Variants in CDK18 observed in about 807,000 individuals in gnomAD.
CDK18 encodes cyclin dependent kinase 18.
A neutral mutation model predicts 62.0 loss-of-function variants in CDK18; 52 were observed. The ratio of observed to expected loss-of-function variants is 0.84; its 90% CI spans 0.67 to 1.06. The LOEUF (loss-of-function observed/expected upper bound fraction) is 1.06, where lower values mean the gene tolerates loss of function less well. CDK18 is among the 50% of genes least tolerant of loss of function. CDK18 has a pLI of 0.00. For synonymous variants in CDK18, 237 were observed against 247.0 expected (o/e 0.96, Z 0.38); for missense variants, 604 against 619.9 (o/e 0.97, Z 0.27).
rs776594779 is a variant in CDK18, at chr1:205,527,805, C to T, written c.741C>T (p.Phe247=). 1.9e-6 allele frequency: 3 copies of T among 1,613,906 alleles called. No individual in the cohort carries two copies. Among genetic ancestry groups the T allele is most frequent in the South Asian group, 2.2e-5 (2 of 91,070 alleles). The part of the protein sequence containing the change: ...MSMHNVKIFM[F]QLLRGLAYCH... ...TCCCCCTCCCCCAGATTTTCATGTTCCAGCTGCTCCGGGGCCTCGCCTACT... is the reference window on the plus strand; with the variant it reads ...TCCCCCTCCCCCAGATTTTCATGTTTCAGCTGCTCCGGGGCCTCGCCTACT... The change falls in exon 9 of 16, where the codon TTC becomes TTT. Residue 247 remains phenylalanine, a synonymous_variant. Coordinates refer to ENST00000429964, the MANE Select transcript of CDK18 (RefSeq NM_212502.3). The surrounding 1 kb of genome is among the most constrained non-coding windows in gnomAD (Gnocchi z 4.1).
chr1:205,528,472 C>T lies in CDK18; in HGVS notation c.974+304C>T, dbSNP rs1009442946. Among the ~76,000 whole-genome samples the T allele has an allele frequency of 6.6e-6, 1 of 152,100 alleles. No homozygotes were observed. The stretch of plus-strand genomic sequence containing the variant: ...CTATAGTAAATACGATGAATCTTCC[C>T]CAAGCATCAGTCCCAGTGAAAATTT... On this transcript the variant is annotated intron_variant, in intron 10 of 15. Coordinates refer to ENST00000429964, the MANE Select transcript of CDK18 (RefSeq NM_212502.3). The surrounding 1 kb of genome is among the most constrained non-coding windows in gnomAD (Gnocchi z 4.2).
rs1668302623 is a variant in CDK18 at position 205,524,294 on chromosome 1, GCT to G, written c.337_338del (p.Leu113ThrfsTer94). 2.5e-6 allele frequency: 4 copies of G among 1,614,070 alleles called. No homozygotes were observed. The highest frequency in any genetic ancestry group is 3.4e-6 in the Non-Finnish European group (4 of 1,180,046). ...GCCTGCCCCAGGAATTCCTACAGAA[GCT>G]ACAGATGGAGAGCCCAGATCTGCCC... is the stretch of plus-strand genomic sequence containing the variant. ...IRLPQEFLQK[L>X]QMESPDLPKP... is the part of the protein sequence containing the mutation. On this transcript the variant is annotated frameshift_variant, in exon 4 of 16. Transcript: ENST00000429964. LOFTEE classifies it high-confidence loss of function.
chr1:205,527,557 CTG>C lies in CDK18; in HGVS notation c.730-236_730-235del. ...GGCATCCTGACCCCCGTGCTCCTGACTGAGACTTCGCTGGCCTCCCCCACACT... is the reference window on the plus strand; with the variant it reads ...GGCATCCTGACCCCCGTGCTCCTGACAGACTTCGCTGGCCTCCCCCACACT... On this transcript the variant is annotated intron_variant, in intron 8 of 15. Transcript: ENST00000429964. This position sits in a 1 kb window ranked among gnomAD's most constrained non-coding sequence, Gnocchi z 4.1. The C allele has an allele frequency of 2.0e-6, 1 of 498,372 alleles. No individual in the cohort carries two copies. Among genetic ancestry groups the C allele is most frequent in the Non-Finnish European group, 3.6e-6 (1 of 276,578 alleles). The allele number at this position is 498,372 out of a possible 1,614,324, so 30.9% of individuals were successfully genotyped here. A position where few individuals can be genotyped will look rare whatever the true frequency, so the allele number is the denominator to read the frequency against.
intron 6 of CDK18, 63 bp downstream of exon 6, chr1:205,526,242 C>T (rs1185950978): frequency 1.3e-6 from 2 of 1,519,040 alleles, no homozygotes; most frequent in Admixed American, 1.7e-5. Flanking sequence ...CACCAGCCTG[C>T]ACCCTTGTGG....
Position 205,528,396 on chromosome 1 carries a change from C to T in CDK18, c.974+228C>T, listed in dbSNP as rs1401084548. On this transcript the variant is annotated intron_variant, in intron 10 of 15. Coordinates refer to ENST00000429964, the MANE Select transcript of CDK18 (RefSeq NM_212502.3). This position sits in a 1 kb window ranked among gnomAD's most constrained non-coding sequence, Gnocchi z 4.2. ...CAAGCCTGTGCATTTGAAATCCTCC[C>T]CCAGAGGCCTGTGGGGGGTTACCAG... is the stretch of plus-strand genomic sequence containing the variant. Among the ~76,000 whole-genome samples the T allele has an allele frequency of 5.9e-5, 9 of 152,128 alleles. No individual in the cohort carries two copies. The highest frequency in any genetic ancestry group is 5.9e-4 in the Admixed American group (9 of 15,278).
chr1:205,525,113 C>T (rs374908323), intron 4 of CDK18, 26 bp from the exon 5 acceptor site: 8 of 1,583,138 alleles, frequency 5.1e-6, no homozygotes, highest in East Asian at 4.5e-5. Flanking sequence ...TTCAAGCTCA[C>T]GGCATTCTAT....
At chr1:205,526,996 A>G in intron 8 of CDK18, 159 bp downstream of exon 8, 1 of 640,674 alleles carries the variant, frequency 1.6e-6, no homozygotes, top group Non-Finnish European at 2.8e-6. Flanking sequence ...CGAGTCCAGG[A>G]ACTGGGTTGA....
chr1:205,524,883 G>A (rs893495413), intron 4 of CDK18, among the ~76,000 whole-genome samples: 14 of 152,180 alleles, frequency 9.2e-5, no homozygotes, highest in Admixed American at 1.3e-4. Flanking sequence ...GGTCTCAGTC[G>A]GAGACACAGG....
rs1668572537 is a variant in CDK18 at position 205,528,794 on chromosome 1, G to A, written c.975-205G>A. 2 of 465,028 alleles carry A rather than the reference G, an allele frequency of 4.3e-6. No homozygotes were observed. The highest frequency in any genetic ancestry group is 7.6e-6 in the Non-Finnish European group (2 of 262,374). The allele number at this position is 465,028 out of a possible 1,614,324, so 28.8% of individuals were successfully genotyped here. ...ACAGAGTGAAAGTCGCAGCTTTCCC[G>A]AGCCCAGGGAAGCCCCCCAGAGAGG... On this transcript the variant is annotated intron_variant, in intron 10 of 15. Coordinates refer to ENST00000429964, the MANE Select transcript of CDK18 (RefSeq NM_212502.3). This position sits in a 1 kb window ranked among gnomAD's most constrained non-coding sequence, Gnocchi z 4.2.
rs1470461267 is a variant in CDK18, at chr1:205,529,417, A to G, written c.1166A>G (p.Asn389Ser). The G allele has an allele frequency of 6.2e-7, 1 of 1,613,896 alleles. No individual in the cohort carries two copies. Among genetic ancestry groups the G allele is most frequent in the Non-Finnish European group, 8.5e-7 (1 of 1,179,906 alleles). ...FPCYLPQPLI[N>S]HAPRLDTDGI... Reference sequence around the variant, plus strand: ...TGCTACCTCCCGCAGCCGCTCATCAACCACGCGCCCAGGTAGCCCCTGCGC... The same window carrying G: ...TGCTACCTCCCGCAGCCGCTCATCAGCCACGCGCCCAGGTAGCCCCTGCGC... Residue 389 changes from asparagine (N) to serine (S), a missense_variant, in exon 12 of 16, where the codon AAC becomes AGC. Coordinates refer to ENST00000429964, the MANE Select transcript of CDK18 (RefSeq NM_212502.3).
At chr1:205,522,810 G>C (rs1266998591) in intron 1 of CDK18, 1 of 179,428 alleles carries the variant, frequency 5.6e-6, no homozygotes, top group South Asian at 1.5e-4. Context: ...GGTCTGGGGG[G>C]CCTTCAGGAT....
At chr1:205,510,860 G>A (rs1667535383) in intron 1 of CDK18, among the ~76,000 whole-genome samples, 1 of 152,236 alleles carries the variant, frequency 6.6e-6, no homozygotes, top group Non-Finnish European at 1.5e-5. Context: ...TGCTAACAAG[G>A]TGAGCTGTGT....
intron 1 of CDK18, among the ~76,000 whole-genome samples, chr1:205,511,923 G>A (rs767332249): frequency 2.0e-5 from 3 of 152,074 alleles, no homozygotes; most frequent in African/African-American, 7.2e-5. Flanking sequence ...GTGTGGTGTC[G>A]TGCGCTTGTA....
chr1:205,506,847 G>A (rs1667328261), intron 1 of CDK18, among the ~76,000 whole-genome samples: 1 of 152,214 alleles, frequency 6.6e-6, no homozygotes, highest in Non-Finnish European at 1.5e-5. Flanking sequence ...TGGGGCACAG[G>A]AGAGAGGGCA....
rs555716589 is a variant in CDK18, at chr1:205,531,675, G to A, written c.*297G>A. On this transcript the variant is annotated 3_prime_UTR_variant, in exon 16 of 16. Coordinates refer to ENST00000429964, the MANE Select transcript of CDK18 (RefSeq NM_212502.3). Reference sequence around the variant, plus strand: ...TCCTCGTACCCTCTCCCACCCTGGTGTTTGGGCACCTGCGTGGGATGCACA... The same window carrying A: ...TCCTCGTACCCTCTCCCACCCTGGTATTTGGGCACCTGCGTGGGATGCACA... The A allele has an allele frequency of 2.8e-5, 12 of 421,440 alleles. 1 individual carries two copies. The Admixed American group carries it at 3.5e-4, about 12-fold the overall frequency. 26.1% of individuals were successfully genotyped at this position (421,440 alleles called of 1,614,324 possible). A position where few individuals can be genotyped will look rare whatever the true frequency, so the allele number is the denominator to read the frequency against.
intron 4 of CDK18, 136 bp downstream of exon 4, chr1:205,524,493 G>A (rs1668319247): frequency 1.0e-6 from 1 of 964,998 alleles, no homozygotes; most frequent in Non-Finnish European, 1.6e-6. Context: ...GCTGGCTTGA[G>A]TGCATTCAAC....
chr1:205,507,328 T>C (rs1007303055), intron 1 of CDK18, among the ~76,000 whole-genome samples: 2 of 152,254 alleles, frequency 1.3e-5, no homozygotes, highest in East Asian at 1.9e-4. Context: ...AGGATCATAA[T>C]AGAGGGCTGT....
intron 1 of CDK18, among the ~76,000 whole-genome samples, chr1:205,512,500 T>C (rs1342408380): frequency 6.6e-6 from 1 of 152,180 alleles, no homozygotes; most frequent in Non-Finnish European, 1.5e-5. Context: ...TAGAGAACAG[T>C]TGAACAACTA....
At chr1:205,513,121 C>T (rs1667647018) in intron 1 of CDK18, among the ~76,000 whole-genome samples, 1 of 152,246 alleles carries the variant, frequency 6.6e-6, no homozygotes, top group Admixed American at 6.5e-5. Flanking sequence ...CAAGCTGTTT[C>T]CTCTGGTATT....
Sources: gnomAD v4.1 joint callset for allele counts (sites outside exome capture counted in the v4.1 genomes callset) on GRCh38, gnomAD v4.1.1 for gene constraint, Gnocchi (gnomAD v3.1) non-coding constraint, MANE v1.5 for transcripts, NCBI Gene and HGNC (gene_info 2026-07-23, HGNC 2026-07-21) for gene names.